NPHP4: variants seen among roughly 807,000 people sequenced by gnomAD.
The protein encoded by NPHP4 is nephrocystin-4.
Under a neutral mutation model 155.8 loss-of-function variants are expected in NPHP4, and 151 were observed. That is an observed-to-expected ratio of 0.97 (90% CI 0.85 to 1.11). The LOEUF (loss-of-function observed/expected upper bound fraction) is 1.11, where lower values mean the gene tolerates loss of function less well. Among genes scored for constraint, NPHP4 ranks in the 50% least tolerant of loss-of-function variants. The pLI, the probability that NPHP4 is intolerant of heterozygous loss-of-function variation, is 0.00. For synonymous variants in NPHP4, 845 were observed against 816.8 expected (o/e 1.03, Z -0.59); for missense variants, 1,956 against 1,925.7 (o/e 1.02, Z -0.29).
intron 16 of NPHP4, among the ~76,000 whole-genome samples, chr1:5,904,135 G>A (rs1644802315): frequency 6.6e-6 from 1 of 152,166 alleles, no homozygotes; most frequent in African/African-American, 2.4e-5. Context: ...AAACAACAGA[G>A]ACAGGTACGG....
Position 5,889,731 on chromosome 1 carries a change from G to A in NPHP4, c.2304+1137C>T, listed in dbSNP as rs370865431. ...GGACATCAAAGCCAGCATGGGAGACGGACAAGCAAGGGCCACGATGACCCT... is the reference window on the plus strand; with the variant it reads ...GGACATCAAAGCCAGCATGGGAGACAGACAAGCAAGGGCCACGATGACCCT... On this transcript the variant is annotated intron_variant, in intron 17 of 29. Coordinates refer to ENST00000378156, the MANE Select transcript of NPHP4 (RefSeq NM_015102.5). This position sits in a 1 kb window ranked among gnomAD's most constrained non-coding sequence, Gnocchi z 4.2. Among the ~76,000 whole-genome samples the A allele has an allele frequency of 6.6e-5, 10 of 152,192 alleles. No individual in the cohort carries two copies. Among genetic ancestry groups the A allele is most frequent in the South Asian group, 2.1e-4 (1 of 4,830 alleles).
At chr1:5,979,563 G>T (rs1314333081) in intron 2 of NPHP4, among the ~76,000 whole-genome samples, 1 of 152,070 alleles carries the variant, frequency 6.6e-6, no homozygotes, top group African/African-American at 2.4e-5. Flanking sequence ...TTAAGAAAAG[G>T]GTCTCGTCTG....
At chr1:5,928,785 CAG>C (rs1248919489) in intron 10 of NPHP4, among the ~76,000 whole-genome samples, 3 of 152,230 alleles carry the variant, frequency 2.0e-5, no homozygotes, top group African/African-American at 7.2e-5. Context: ...ATATAAATTT[CAG>C]AATCAGCTTG....
At chr1:5,870,479 T>C (rs763906237) in intron 23 of NPHP4, among the ~76,000 whole-genome samples, 2 of 152,112 alleles carry the variant, frequency 1.3e-5, no homozygotes, top group Non-Finnish European at 2.9e-5. Context: ...CAGGCAAGCA[T>C]CCCACTACCA....
chr1:5,961,895 G>A lies in NPHP4; in HGVS notation c.572C>T (p.Pro191Leu). The change falls in exon 6 of 30, where the codon CCA becomes CTA. Residue 191 changes from proline to leucine, a missense_variant. Physicochemically the swap from Pro to Leu is moderately conservative, Grantham distance 98. Coordinates refer to ENST00000378156, the MANE Select transcript of NPHP4 (RefSeq NM_015102.5). Reference sequence around the variant, plus strand: ...GAACGCAGGCTCCAGGGCCGGGTGTGGCTTCAGCGTGTACTGCAGGCTGCA... The same window carrying A: ...GAACGCAGGCTCCAGGGCCGGGTGTAGCTTCAGCGTGTACTGCAGGCTGCA... ...ENCSLQYTLKPHPALEPAFHL... is the reference protein window; with the variant it reads ...ENCSLQYTLKLHPALEPAFHL... The A allele has an allele frequency of 6.2e-7, 1 of 1,613,800 alleles. No homozygotes were observed. Among genetic ancestry groups the A allele is most frequent in the African/African-American group, 1.3e-5 (1 of 75,058 alleles).
intron 4 of NPHP4, 46 bp downstream of exon 4, chr1:5,969,041 A>T: frequency 4.1e-6 from 5 of 1,222,490 alleles, no homozygotes; most frequent in South Asian, 1.4e-5. Context: ...AAAAAAAAAA[A>T]GACAGACGCT....
chr1:5,866,057 C>G (rs996433245), intron 26 of NPHP4: 1 of 414,572 alleles, frequency 2.4e-6, no homozygotes. Context: ...CCTAGGGACT[C>G]AGCAAGAAAA....
In NPHP4 at chr1:5,873,285, C is replaced by T. The variant is rs763668545; in HGVS notation, c.3282G>A (p.Trp1094Ter). The T allele has an allele frequency of 1.2e-6, 2 of 1,613,868 alleles. No homozygotes were observed. The highest frequency in any genetic ancestry group is 2.2e-5 in the South Asian group (2 of 91,088). ...GTTTAGTGGGCACTGCGCTGGACTT[C>T]CAAGGTGACACGGCGTCCATGCCCT... ...NEKGMDAVSP[W>*]KSSAVPTKHA... Residue 1094 changes from tryptophan to a stop codon, truncating the protein, a stop_gained, in exon 23 of 30, where the codon TGG (tryptophan) becomes TGA (stop). Coordinates refer to ENST00000378156, the MANE Select transcript of NPHP4 (RefSeq NM_015102.5). LOFTEE classifies it high-confidence loss of function.
At chr1:5,961,102 G>A (rs929220300) in intron 6 of NPHP4, among the ~76,000 whole-genome samples, 4 of 152,196 alleles carry the variant, frequency 2.6e-5, no homozygotes, top group African/African-American at 9.7e-5. Flanking sequence ...TCACTCTTAG[G>A]ATGAACTAAC....
intron 18 of NPHP4, chr1:5,886,479 T>A (rs935598651): frequency 6.6e-6 from 1 of 152,260 alleles, no homozygotes; most frequent in East Asian, 1.9e-4. Flanking sequence ...CTGAATCTCA[T>A]GCAGACAGAC....
At chr1:5,897,796 T>C (rs1300854644) in intron 16 of NPHP4, among the ~76,000 whole-genome samples, 1 of 152,196 alleles carries the variant, frequency 6.6e-6, no homozygotes, top group Non-Finnish European at 1.5e-5. Flanking sequence ...TTAAATGTGA[T>C]ACTAGAATTG....
intron 13 of NPHP4, 127 bp downstream of exon 13, chr1:5,906,988 A>T: frequency 2.0e-6 from 1 of 505,388 alleles, no homozygotes; most frequent in Non-Finnish European, 3.6e-6. Flanking sequence ...ACTCCCACCC[A>T]CATCCCAGGT....
intron 16 of NPHP4, among the ~76,000 whole-genome samples, chr1:5,893,439 T>C (rs1827499): frequency 0.83 from 126,518 of 151,790 alleles, 52,974 homozygotes; most frequent in African/African-American, 0.93. Context: ...GGGGGACCTT[T>C]CCTGCCTGGC....
In NPHP4 at chr1:5,927,718, G is replaced by T. The variant is rs1488701326; in HGVS notation, c.1372C>A (p.Pro458Thr). Residue 458 changes from proline to threonine, a missense_variant, in exon 11 of 30, where the codon CCC (proline) becomes ACC (threonine). Pro to Thr is a conservative substitution (Grantham distance 38). Transcript: ENST00000378156. ...TTGGGGCCACTGACAGGCTCCGTGG[G>T]TGCATCCAGGTGTTCTTCTGAGCCC... ...SLGSEEHLDA[P>T]TEPVSGPKVE... 1.9e-6 allele frequency: 3 copies of T among 1,613,502 alleles called. No homozygotes were observed. In the South Asian group the frequency reaches 3.3e-5, roughly 18 times the overall value.
At chr1:5,938,125 A>C (rs967398131) in intron 9 of NPHP4, among the ~76,000 whole-genome samples, 2 of 152,202 alleles carry the variant, frequency 1.3e-5, no homozygotes, top group African/African-American at 4.8e-5. Context: ...GGTGTCCCCC[A>C]GCAGCATGAC....
intron 5 of NPHP4, among the ~76,000 whole-genome samples, chr1:5,962,837 G>C (rs961507808): frequency 6.6e-6 from 1 of 152,194 alleles, no homozygotes; most frequent in Non-Finnish European, 1.5e-5. Context: ...TCCCAGAAAC[G>C]GGAGTGCGGG....
At position 5,905,301 on chromosome 1, in the gene NPHP4, G is replaced by T. The variant is rs894909432; in HGVS notation, c.1946C>A (p.Ala649Asp). 6.2e-6 allele frequency: 10 copies of T among 1,611,748 alleles called. No individual in the cohort carries two copies. The highest frequency in any genetic ancestry group is 6.8e-6 in the Non-Finnish European group (8 of 1,177,944). ...QSNEMVLQFL[A>D]FSRVAQDCRG... is the part of the protein sequence containing the mutation. ...ATATTCAAGGATTTACCTGCTAAAG[G>T]CAAGAAACTGTAGCACCATCTCGTT... Residue 649 changes from alanine (A) to aspartate (D), a missense_variant, in exon 15 of 30, where the codon GCC (alanine) becomes GAC (aspartate). Physicochemically the swap from Ala to Asp is moderately radical, Grantham distance 126. Coordinates refer to ENST00000378156, the MANE Select transcript of NPHP4 (RefSeq NM_015102.5). The surrounding 1 kb of genome is among the most constrained non-coding windows in gnomAD (Gnocchi z 4.0).
chr1:5,864,093 T>TC, intron 28 of NPHP4, 60 bp from the exon 29 acceptor site: 4 of 1,573,850 alleles, frequency 2.5e-6, no homozygotes, highest in Non-Finnish European at 3.5e-6. Context: ...CACTGGCCCT[T>TC]CCTCCAAGTA....
intron 11 of NPHP4, among the ~76,000 whole-genome samples, chr1:5,913,392 C>G (rs192910855): frequency 6.6e-6 from 1 of 152,226 alleles, no homozygotes; most frequent in Non-Finnish European, 1.5e-5. Flanking sequence ...CCCACCACGG[C>G]AGGTTTCTCC....
Sources: gnomAD v4.1 joint callset for allele counts (sites outside exome capture counted in the v4.1 genomes callset) on GRCh38, gnomAD v4.1.1 for gene constraint, Gnocchi (gnomAD v3.1) non-coding constraint, MANE v1.5 for transcripts, NCBI Gene and HGNC (gene_info 2026-07-23, HGNC 2026-07-21) for gene names.